The following LMTK2 variants were observed in gnomAD, a reference collection of about 807,000 sequenced individuals.
LMTK2 encodes the protein serine/threonine-protein kinase LMTK2.
In LMTK2, 37 loss-of-function variants were observed where a neutral mutation model predicts 127.5. The ratio of observed to expected loss-of-function variants is 0.29; its 90% CI spans 0.22 to 0.38. The LOEUF is 0.38. LMTK2 is among the 10% of genes least tolerant of loss of function. The pLI, the probability that LMTK2 is intolerant of heterozygous loss-of-function variation, is 1.00. For missense variants in LMTK2, 1,694 were observed against 1,920.3 expected, an observed-to-expected ratio of 0.88 and a Z score of 2.20; for synonymous variants, 819 against 810.1, an observed-to-expected ratio of 1.01 and a Z score of -0.19.
At chr7:98,205,171 C>T (rs553038618) in intron 13 of LMTK2, among the ~76,000 whole-genome samples, 3 of 152,324 alleles carry the variant, frequency 2.0e-5, no homozygotes, top group Admixed American at 1.3e-4. Context: ...TCATTTGTGC[C>T]GATTAGATAA....
chr7:98,160,424 A>G (rs1431703133), intron 6 of LMTK2, among the ~76,000 whole-genome samples: 1 of 152,192 alleles, frequency 6.6e-6, no homozygotes, highest in Non-Finnish European at 1.5e-5. Context: ...TTACCCTCAA[A>G]TATCTGTGGC....
chr7:98,188,515 C>T (rs1797473759), intron 9 of LMTK2, among the ~76,000 whole-genome samples: 1 of 152,096 alleles, frequency 6.6e-6, no homozygotes, highest in South Asian at 2.1e-4. Context: ...CCAGGCTGGT[C>T]TTGAACTCCT....
chr7:98,199,874 A>T (rs1338891686), intron 11 of LMTK2, among the ~76,000 whole-genome samples: 1 of 152,150 alleles, frequency 6.6e-6, no homozygotes, highest in East Asian at 1.9e-4. Context: ...TATATTTGAC[A>T]TGAGTTTCTT....
At chr7:98,150,553 G>A (rs1796838806) in intron 3 of LMTK2, among the ~76,000 whole-genome samples, 2 of 152,156 alleles carry the variant, frequency 1.3e-5, no homozygotes. Context: ...AGATTTGCAT[G>A]CATGTATTTA....
chr7:98,200,802 A>G (rs1189660564), intron 11 of LMTK2, among the ~76,000 whole-genome samples: 1 of 151,872 alleles, frequency 6.6e-6, no homozygotes, highest in African/African-American at 2.4e-5. Flanking sequence ...TAGTTGTTAT[A>G]CTGTATTATT....
chr7:98,132,743 A>C (rs183418502), intron 1 of LMTK2, among the ~76,000 whole-genome samples: 192 of 152,258 alleles, frequency 1.3e-3, no homozygotes, highest in Non-Finnish European at 1.9e-3. Flanking sequence ...TAATGGATCT[A>C]AATATTGATC....
intron 11 of LMTK2, among the ~76,000 whole-genome samples, chr7:98,198,129 C>T (rs1179292229): frequency 6.7e-6 from 1 of 149,826 alleles, no homozygotes; most frequent in South Asian, 2.1e-4. Context: ...TTCCTTCCTT[C>T]TCCTTGCTTT....
chr7:98,134,520 A>G (rs1231193498), intron 1 of LMTK2, among the ~76,000 whole-genome samples: 1 of 152,234 alleles, frequency 6.6e-6, no homozygotes, highest in Non-Finnish European at 1.5e-5. Flanking sequence ...AGTTCTTCAG[A>G]AATAATTCCA....
At chr7:98,157,724 C>A (rs1465234069) in intron 5 of LMTK2, among the ~76,000 whole-genome samples, 2 of 150,538 alleles carry the variant, frequency 1.3e-5, no homozygotes, top group Non-Finnish European at 2.9e-5. Flanking sequence ...GTGAAAAAAT[C>A]AATCTCAAAA....
In LMTK2 at chr7:98,208,645, C is replaced by G. The variant is rs749067398; in HGVS notation, c.*3153C>G. 6.6e-6 allele frequency: 1 copy of G among 152,144 alleles called. No homozygotes were observed. Among genetic ancestry groups the G allele is most frequent in the South Asian group, 2.1e-4 (1 of 4,824 alleles). The allele number at this position is 152,144 out of a possible 1,614,324, so 9.4% of individuals were successfully genotyped here. A position where few individuals can be genotyped will look rare whatever the true frequency, so the allele number is the denominator to read the frequency against. On this transcript the variant is annotated 3_prime_UTR_variant, in exon 14 of 14. Coordinates refer to ENST00000297293, the MANE Select transcript of LMTK2 (RefSeq NM_014916.4). ...TTTTCATTTCCTTACTAGCTAGATG[C>G]GAATTTGTCTTTTTGAATGACCCTG...
intron 1 of LMTK2, among the ~76,000 whole-genome samples, chr7:98,114,190 T>C (rs1796244785): frequency 6.6e-6 from 1 of 152,028 alleles, no homozygotes. Flanking sequence ...GTTTAATTTT[T>C]GACAATTTGG....
Position 98,205,824 on chromosome 7 carries a change from G to T in LMTK2, c.*332G>T. The T allele has an allele frequency of 2.6e-6, 1 of 383,202 alleles. No individual in the cohort carries two copies. The highest frequency in any genetic ancestry group is 3.8e-5 in the South Asian group (1 of 26,010). 23.7% of individuals were successfully genotyped at this position (383,202 alleles called of 1,614,324 possible). Reference sequence around the variant, plus strand: ...GCGCGCGTGTGGAGCTGTGTGCACCGCATGTGTGCTTTCCACAGGGGCGTC... The same window carrying T: ...GCGCGCGTGTGGAGCTGTGTGCACCTCATGTGTGCTTTCCACAGGGGCGTC... On this transcript the variant is annotated 3_prime_UTR_variant, in exon 14 of 14. Coordinates refer to ENST00000297293, the MANE Select transcript of LMTK2 (RefSeq NM_014916.4).
In LMTK2 at chr7:98,209,459, A is replaced by G. The variant is rs1055404221; in HGVS notation, c.*3967A>G. On this transcript the variant is annotated 3_prime_UTR_variant, in exon 14 of 14. Transcript: ENST00000297293. ...CCAGGCCTCCCTGCTGTGCTTTAAC[A>G]CAGGCAGAAGAGGTTCATGGCAATA... 2.0e-5 allele frequency: 3 copies of G among 152,236 alleles called. No individual in the cohort carries two copies. Among genetic ancestry groups the G allele is most frequent in the African/African-American group, 7.2e-5 (3 of 41,460 alleles). The allele number at this position is 152,236 out of a possible 1,614,324, so 9.4% of individuals were successfully genotyped here. A position where few individuals can be genotyped will look rare whatever the true frequency, so the allele number is the denominator to read the frequency against.
chr7:98,161,499 G>A (rs1465806171), intron 6 of LMTK2, among the ~76,000 whole-genome samples: 7 of 152,114 alleles, frequency 4.6e-5, no homozygotes, highest in Admixed American at 6.5e-5. Flanking sequence ...CAGTGTGCTC[G>A]TTGTCCTCCA....
chr7:98,165,839 CAG>C (rs1221779518), intron 6 of LMTK2, among the ~76,000 whole-genome samples: 2 of 152,104 alleles, frequency 1.3e-5, no homozygotes, highest in African/African-American at 4.8e-5. Flanking sequence ...AGAGGGGACA[CAG>C]AGTCACGGTG....
intron 1 of LMTK2, among the ~76,000 whole-genome samples, chr7:98,115,462 G>A (rs988982288): frequency 6.6e-6 from 1 of 151,864 alleles, no homozygotes; most frequent in Non-Finnish European, 1.5e-5. Flanking sequence ...AGAAAAGAAG[G>A]AAGGGAGGGC....
chr7:98,138,704 C>CA (rs757419624), intron 2 of LMTK2, among the ~76,000 whole-genome samples: 11 of 152,168 alleles, frequency 7.2e-5, no homozygotes, highest in Non-Finnish European at 1.6e-4. Flanking sequence ...CATTTCAGGA[C>CA]AAAGATAAAG....
intron 11 of LMTK2, among the ~76,000 whole-genome samples, chr7:98,195,824 G>A (rs1797615074): frequency 6.6e-6 from 1 of 152,162 alleles, no homozygotes; most frequent in African/African-American, 2.4e-5. Flanking sequence ...TTTTTATGAT[G>A]TTTCTTTAAA....
chr7:98,114,645 G>A (rs762143611), intron 1 of LMTK2, among the ~76,000 whole-genome samples: 13 of 152,198 alleles, frequency 8.5e-5, no homozygotes, highest in Non-Finnish European at 1.8e-4. Context: ...TGCATCTGGT[G>A]AAGGGAGACG....
Sources: gnomAD v4.1 joint callset for allele counts (sites outside exome capture counted in the v4.1 genomes callset) on GRCh38, gnomAD v4.1.1 for gene constraint, MANE v1.5 for transcripts, NCBI Gene and HGNC (gene_info 2026-07-23, HGNC 2026-07-21) for gene names.